The following SHQ1 variants were observed in gnomAD, a reference collection of about 807,000 sequenced individuals.
The protein encoded by SHQ1 is protein SHQ1 homolog.
SHQ1 carries 49 observed loss-of-function variants against 53.8 expected under a neutral mutation model. The observed-to-expected ratio is 0.91, with a 90% CI of 0.72 to 1.16. The LOEUF is 1.16. Among genes scored for constraint, SHQ1 ranks in the 50% most tolerant of loss-of-function variants. SHQ1 has a pLI of 0.00. For missense variants in SHQ1, 738 were observed against 683.1 expected (o/e 1.08, Z -0.90); for synonymous variants, 243 against 251.0 (o/e 0.97, Z 0.30).
chr3:72,798,955 G>A (rs930185336), intron 9 of SHQ1, among the ~76,000 whole-genome samples: 2 of 152,148 alleles, frequency 1.3e-5, no homozygotes, highest in African/African-American at 4.8e-5. Flanking sequence ...CCCAAGACAA[G>A]AAGCCAATTG....
intron 10 of SHQ1, chr3:72,772,792 G>GGAGT: frequency 2.6e-6 from 2 of 763,322 alleles, no homozygotes; most frequent in Admixed American, 3.5e-5. Flanking sequence ...TGATCTTGAT[G>GGAGT]GAGTGCCTTT....
intron 9 of SHQ1, among the ~76,000 whole-genome samples, chr3:72,805,164 C>CA (rs752384518): frequency 3.6e-4 from 54 of 150,784 alleles, no homozygotes; most frequent in African/African-American, 1.1e-3. Context: ...AAAAGAAAAA[C>CA]AAAAAAAAAT....
At chr3:72,820,463 T>C (rs530287839) in intron 6 of SHQ1, among the ~76,000 whole-genome samples, 2 of 152,146 alleles carry the variant, frequency 1.3e-5, no homozygotes, top group Non-Finnish European at 2.9e-5. Flanking sequence ...TCAGAGATGA[T>C]AAATAACAAT....
the SHQ1 span, among the ~76,000 whole-genome samples, chr3:72,742,070 CTA>C: frequency 6.6e-6 from 1 of 151,838 alleles, no homozygotes; most frequent in African/African-American, 2.4e-5. Context: ...TTAAAATAAA[CTA>C]TGCATCTGGG....
chr3:72,767,865 C>T (rs1007104436), intron 10 of SHQ1, among the ~76,000 whole-genome samples: 17 of 152,224 alleles, frequency 1.1e-4, no homozygotes, highest in African/African-American at 3.9e-4. Flanking sequence ...CATGTTCCTA[C>T]AAGAACTGGA....
Position 72,749,594 on chromosome 3 carries a change from T to C in SHQ1, c.*690A>G, listed in dbSNP as rs1705320652. 1 of 221,100 alleles carries C rather than the reference T, an allele frequency of 4.5e-6. No individual in the cohort carries two copies. Among genetic ancestry groups the C allele is most frequent in the Non-Finnish European group, 9.0e-6 (1 of 110,506 alleles). 13.7% of individuals were successfully genotyped at this position (221,100 alleles called of 1,614,324 possible). On this transcript the variant is annotated 3_prime_UTR_variant, in exon 11 of 11. Transcript: ENST00000325599. ...GGTCCGTTCCTCACTTCAGTTGTGG[T>C]GATAGTTTTACGCAGGGTATACATA...
intron 9 of SHQ1, among the ~76,000 whole-genome samples, chr3:72,805,547 T>C (rs1706914853): frequency 6.6e-6 from 1 of 152,222 alleles, no homozygotes; most frequent in African/African-American, 2.4e-5. Flanking sequence ...TATAGAAGTT[T>C]TTTTTAAGCC....
intron 10 of SHQ1, among the ~76,000 whole-genome samples, chr3:72,751,506 G>GTATATATATATATATA (rs1312437115): frequency 2.2e-4 from 26 of 117,432 alleles, no homozygotes; most frequent in African/African-American, 1.2e-3. Flanking sequence ...GTGTGTGTGT[G>GTATATATATATATATA]TGTATATATA....
At chr3:72,757,610 G>A (rs539541383) in intron 10 of SHQ1, among the ~76,000 whole-genome samples, 2 of 152,282 alleles carry the variant, frequency 1.3e-5, no homozygotes, top group Admixed American at 1.3e-4. Context: ...TAAAGAAAAT[G>A]TGGTACATAT....
chr3:72,838,811 G>A (rs1021937102), intron 4 of SHQ1, among the ~76,000 whole-genome samples: 2 of 152,036 alleles, frequency 1.3e-5, no homozygotes, highest in Non-Finnish European at 2.9e-5. Flanking sequence ...ATTTCTGATG[G>A]GAAACAGAGG....
chr3:72,808,781 TCTGA>T (rs1212406335), intron 9 of SHQ1, among the ~76,000 whole-genome samples: 2 of 152,098 alleles, frequency 1.3e-5, no homozygotes, highest in African/African-American at 4.8e-5. Flanking sequence ...AGGACAGAAC[TCTGA>T]CTCTTTTCTA....
chr3:72,779,811 A>G (rs2106755060), intron 10 of SHQ1, among the ~76,000 whole-genome samples: 1 of 152,358 alleles, frequency 6.6e-6, no homozygotes, highest in South Asian at 2.1e-4. Context: ...GGGGACTTTG[A>G]AATAGTATGA....
At chr3:72,801,519 G>A (rs1706788135) in intron 9 of SHQ1, among the ~76,000 whole-genome samples, 2 of 152,240 alleles carry the variant, frequency 1.3e-5, no homozygotes, top group South Asian at 4.2e-4. Flanking sequence ...TATCTCAAAT[G>A]GCTCATAAAA....
At chr3:72,734,273 T>C in the SHQ1 span, among the ~76,000 whole-genome samples, 48 of 151,354 alleles carry the variant, frequency 3.2e-4, 1 homozygote, top group Non-Finnish European at 6.2e-4. Context: ...TTTATTTATA[T>C]TGAGATGGAG....
At position 72,822,206 on chromosome 3, in the gene SHQ1, A is replaced by G. The variant is rs889076732; in HGVS notation, c.727+2218T>C. On this transcript the variant is annotated intron_variant, in intron 6 of 10. Transcript: ENST00000325599. ...TATATCTTACATTTGGTATTATTAG[A>G]AGAGACACGCTGTTCGACACAAAGC... 1.1e-4 allele frequency among the ~76,000 whole-genome samples: 16 copies of G among 152,160 alleles called. 2 individuals are homozygous for G. The highest frequency in any genetic ancestry group is 6.5e-5 in the Admixed American group (1 of 15,270).
chr3:72,781,963 T>C (rs1037393553), intron 10 of SHQ1, among the ~76,000 whole-genome samples: 2 of 152,256 alleles, frequency 1.3e-5, no homozygotes, highest in Admixed American at 1.3e-4. Context: ...TGGACCTCCA[T>C]AGGAAGCCAC....
chr3:72,768,168 A>T (rs554164193), intron 10 of SHQ1, among the ~76,000 whole-genome samples: 7 of 152,352 alleles, frequency 4.6e-5, no homozygotes, highest in African/African-American at 1.2e-4. Flanking sequence ...CCCTTGCTCA[A>T]AAACAGAAGA....
chr3:72,815,938 C>T (rs1266813849), intron 7 of SHQ1, among the ~76,000 whole-genome samples: 1 of 152,118 alleles, frequency 6.6e-6, no homozygotes, highest in African/African-American at 2.4e-5. Context: ...TAAATTTTTT[C>T]AAATATACCT....
intron 1 of SHQ1, chr3:72,846,162 C>T (rs1708322096): frequency 2.0e-6 from 3 of 1,513,178 alleles, no homozygotes; most frequent in Middle Eastern, 1.7e-4. Flanking sequence ...TTCCCCTAAA[C>T]TCTATAAGCC....
Sources: gnomAD v4.1 joint callset for allele counts (sites outside exome capture counted in the v4.1 genomes callset) on GRCh38, gnomAD v4.1.1 for gene constraint, MANE v1.5 for transcripts, NCBI Gene and HGNC (gene_info 2026-07-23, HGNC 2026-07-21) for gene names.